Variants in NIPAL1 observed in about 807,000 individuals in gnomAD.
NIPAL1 encodes the protein NIPA like domain containing 1, also known as magnesium transporter NIPA3.
In NIPAL1, 35 loss-of-function variants were observed where a neutral mutation model predicts 37.7. The observed-to-expected ratio is 0.93, with a 90% CI of 0.71 to 1.23. The LOEUF is 1.23. NIPAL1 is among the 50% of genes most tolerant of loss of function. NIPAL1 has a pLI of 0.00. For synonymous variants in NIPAL1, 162 were observed against 183.0 expected, an observed-to-expected ratio of 0.89 and a Z score of 0.93; for missense variants, 412 against 473.9, an observed-to-expected ratio of 0.87 and a Z score of 1.21.
At chr4:48,019,726 A>C (rs1452132541) in intron 1 of NIPAL1, among the ~76,000 whole-genome samples, 1 of 152,146 alleles carries the variant, frequency 6.6e-6, no homozygotes, top group Non-Finnish European at 1.5e-5. Flanking sequence ...GGAATTTTGG[A>C]TTTTTTTCGG....
chr4:48,032,538 C>T (rs1056086081), intron 3 of NIPAL1, among the ~76,000 whole-genome samples: 5 of 152,182 alleles, frequency 3.3e-5, no homozygotes, highest in Non-Finnish European at 7.3e-5. Context: ...GCAGGTATTT[C>T]TGGCTATTCC....
chr4:48,030,322 G>A, intron 3 of NIPAL1, 146 bp downstream of exon 3: 1 of 496,836 alleles, frequency 2.0e-6, no homozygotes, highest in Non-Finnish European at 3.6e-6. Context: ...TCAATATATT[G>A]TCCTATATAT....
chr4:48,022,131 C>T (rs1715585307), intron 1 of NIPAL1, among the ~76,000 whole-genome samples: 1 of 152,090 alleles, frequency 6.6e-6, no homozygotes, highest in Admixed American at 6.6e-5. Flanking sequence ...TTACTTAAAT[C>T]TTGATAAGCC....
chr4:48,016,866 C>T lies in NIPAL1; in HGVS notation c.27C>T (p.Pro9=), dbSNP rs773009470. 1.9e-6 allele frequency: 3 copies of T among 1,593,586 alleles called. No individual in the cohort carries two copies. Among genetic ancestry groups the T allele is most frequent in the Non-Finnish European group, 2.6e-6 (3 of 1,173,112 alleles). Residue 9 remains proline (P), a synonymous_variant, in exon 1 of 6, where the codon CCC becomes CCT. Transcript: ENST00000295461. The stretch of plus-strand genomic sequence containing the variant: ...TGGGGGCACAGGTGAGGCTGCCGCC[C>T]GGAGAGCCCTGCCGAGAAGGTTTGT... The part of the protein sequence containing the change: MGAQVRLP[P]GEPCREGYVL...
Position 48,037,637 on chromosome 4 carries a change from T to C in NIPAL1, c.*1465T>C, listed in dbSNP as rs1715983579. 1 of 154,370 alleles carries C rather than the reference T, an allele frequency of 6.5e-6. No individual in the cohort carries two copies. The highest frequency in any genetic ancestry group is 2.4e-5 in the African/African-American group (1 of 41,468). 9.6% of individuals were successfully genotyped at this position (154,370 alleles called of 1,614,324 possible). On this transcript the variant is annotated 3_prime_UTR_variant, in exon 6 of 6. Coordinates refer to ENST00000295461, the MANE Select transcript of NIPAL1 (RefSeq NM_207330.3). ...TATTAAGGAAATTATAATTAGTTAC[T>C]AACCTTTAAAAATAGATATATTCTA...
rs1045030433 is a variant in NIPAL1 at position 48,017,467 on chromosome 4, C to G, written c.46+582C>G. Among the ~76,000 whole-genome samples, 24 of 133,570 alleles carry G rather than the reference C, an allele frequency of 1.8e-4. No homozygotes were observed. The Admixed American group carries it at 1.9e-3, about 11-fold the overall frequency. The allele number at this position is 133,570 out of a possible 152,430, so 87.6% of individuals were successfully genotyped here. A position where few individuals can be genotyped will look rare whatever the true frequency, so the allele number is the denominator to read the frequency against. On this transcript the variant is annotated intron_variant, in intron 1 of 5. Coordinates refer to ENST00000295461, the MANE Select transcript of NIPAL1 (RefSeq NM_207330.3). Reference sequence around the variant, plus strand: ...ATGAAAAGGTCTCCAAACCCATGAGCCTGTCTGACTCGCTGTGCAGTCACT... The same window carrying G: ...ATGAAAAGGTCTCCAAACCCATGAGGCTGTCTGACTCGCTGTGCAGTCACT...
intron 1 of NIPAL1, among the ~76,000 whole-genome samples, chr4:48,022,740 G>A (rs993133971): frequency 1.3e-5 from 2 of 152,168 alleles, no homozygotes; most frequent in Admixed American, 6.6e-5. Context: ...TAAACATCGT[G>A]TGGAACAAGA....
intron 1 of NIPAL1, among the ~76,000 whole-genome samples, chr4:48,021,126 A>G (rs1025037763): frequency 3.3e-5 from 5 of 152,182 alleles, no homozygotes; most frequent in African/African-American, 1.2e-4. Context: ...TGGTTTTAGC[A>G]GTTACATAAC....
chr4:48,022,937 G>A (rs1434736668), intron 1 of NIPAL1, among the ~76,000 whole-genome samples: 6 of 152,142 alleles, frequency 3.9e-5, no homozygotes, highest in East Asian at 3.9e-4. Flanking sequence ...GCAGTGAGCC[G>A]TGATGACACC....
At chr4:48,028,879 C>T (rs1357054818) in intron 2 of NIPAL1, among the ~76,000 whole-genome samples, 1 of 152,140 alleles carries the variant, frequency 6.6e-6, no homozygotes, top group East Asian at 1.9e-4. Context: ...CCATCTTACA[C>T]TAGTCAGAAT....
chr4:48,024,159 A>C (rs1715634078), intron 1 of NIPAL1, among the ~76,000 whole-genome samples: 1 of 152,036 alleles, frequency 6.6e-6, no homozygotes, highest in African/African-American at 2.4e-5. Context: ...TTGTATTTTT[A>C]GTAGAGATGG....
intron 2 of NIPAL1, among the ~76,000 whole-genome samples, chr4:48,028,551 C>G (rs934689619): frequency 4.6e-5 from 7 of 151,930 alleles, no homozygotes; most frequent in Admixed American, 1.3e-4. Context: ...AAAGGAAATG[C>G]AACAAAAACA....
At chr4:48,032,910 C>T in intron 3 of NIPAL1, 83 bp from the exon 4 acceptor site, 1 of 862,908 alleles carries the variant, frequency 1.2e-6, no homozygotes. Flanking sequence ...GGTTAAAAGT[C>T]CACTGCTTTG....
rs1715718044 is a variant in NIPAL1, at chr4:48,027,446, A to C, written c.313+2112A>C. Among the ~76,000 whole-genome samples the C allele has an allele frequency of 6.6e-6, 1 of 152,220 alleles. No homozygotes were observed. Among genetic ancestry groups the C allele is most frequent in the Non-Finnish European group, 1.5e-5 (1 of 68,028 alleles). On this transcript the variant is annotated intron_variant, in intron 2 of 5. Coordinates refer to ENST00000295461, the MANE Select transcript of NIPAL1 (RefSeq NM_207330.3). The surrounding 1 kb of genome is among the most constrained non-coding windows in gnomAD (Gnocchi z 4.1). ...TAAATGTAATGACCAATAAACATAC[A>C]TAAATAAATATTGTTTCACTAGTAC...
chr4:48,035,535 A>G, intron 5 of NIPAL1, 27 bp from the exon 6 acceptor site: 3 of 1,583,122 alleles, frequency 1.9e-6, no homozygotes, highest in Non-Finnish European at 2.6e-6. Flanking sequence ...CATTTTCTAA[A>G]GTCAAATTCT....
At position 48,038,271 on chromosome 4, in the gene NIPAL1, T is replaced by A. The variant is rs1715997583; in HGVS notation, c.*2099T>A. 6.6e-6 allele frequency: 1 copy of A among 152,166 alleles called. No individual in the cohort carries two copies. Among genetic ancestry groups the A allele is most frequent in the Admixed American group, 6.5e-5 (1 of 15,286 alleles). The allele number at this position is 152,166 out of a possible 1,614,324, so 9.4% of individuals were successfully genotyped here. ...AAGGTCCATGGGTTGATACCTCAGG[T>A]CAAAAATGTGTTTACTCTGTTGATT... On this transcript the variant is annotated 3_prime_UTR_variant, in exon 6 of 6. Coordinates refer to ENST00000295461, the MANE Select transcript of NIPAL1 (RefSeq NM_207330.3).
chr4:48,023,395 C>A (rs1440759182), intron 1 of NIPAL1, among the ~76,000 whole-genome samples: 1 of 152,104 alleles, frequency 6.6e-6, no homozygotes, highest in East Asian at 1.9e-4. Flanking sequence ...GTACATAGGT[C>A]CACTTATGGA....
intron 2 of NIPAL1, among the ~76,000 whole-genome samples, chr4:48,026,900 T>C (rs1715704373): frequency 6.6e-6 from 1 of 151,890 alleles, no homozygotes; most frequent in Admixed American, 6.6e-5. Context: ...GTATTTTTAG[T>C]AGAGACGGGG....
chr4:48,038,415 G>A lies in NIPAL1; in HGVS notation c.*2243G>A, dbSNP rs899288162. 1 of 152,160 alleles carries A rather than the reference G, an allele frequency of 6.6e-6. No individual in the cohort carries two copies. The allele number at this position is 152,160 out of a possible 1,614,324, so 9.4% of individuals were successfully genotyped here. A position where few individuals can be genotyped will look rare whatever the true frequency, so the allele number is the denominator to read the frequency against. On this transcript the variant is annotated 3_prime_UTR_variant, in exon 6 of 6. Coordinates refer to ENST00000295461, the MANE Select transcript of NIPAL1 (RefSeq NM_207330.3). ...AATTCCAACACTTTGGGGGGCTCAG[G>A]TGGGAGGATTTCTAGTCCCCAGGAG...
Sources: allele counts gnomAD v4.1 joint callset (sites outside exome capture counted in the v4.1 genomes callset), GRCh38; gene constraint gnomAD v4.1.1; non-coding constraint Gnocchi (gnomAD v3.1); transcripts MANE v1.5; gene names NCBI Gene and HGNC (gene_info 2026-07-23, HGNC 2026-07-21).